GFRA2: variants seen among roughly 807,000 people sequenced by gnomAD.
GFRA2 encodes GDNF family receptor alpha-2.
GFRA2 carries 17 observed loss-of-function variants against 48.3 expected under a neutral mutation model. The ratio of observed to expected loss-of-function variants is 0.35; its 90% CI spans 0.24 to 0.53. The LOEUF is 0.53. Among genes scored for constraint, GFRA2 ranks in the 20% least tolerant of loss-of-function variants. The pLI, the probability that GFRA2 is intolerant of heterozygous loss-of-function variation, is 0.93. For synonymous variants in GFRA2, 305 were observed against 257.2 expected (o/e 1.19, Z -1.78); for missense variants, 660 against 637.3 (o/e 1.04, Z -0.38).
intron 2 of GFRA2, among the ~76,000 whole-genome samples, chr8:21,798,261 A>C (rs1363738463): frequency 6.6e-6 from 1 of 152,194 alleles, no homozygotes; most frequent in Non-Finnish European, 1.5e-5. Flanking sequence ...CTTTGACCCC[A>C]GACATGCTGC....
chr8:21,704,875 C>A, intron 6 of GFRA2, 110 bp downstream of exon 6: 1 of 873,774 alleles, frequency 1.1e-6, no homozygotes, highest in Non-Finnish European at 1.8e-6. Flanking sequence ...GGCGGAGAAG[C>A]CTCATCTACA....
intron 4 of GFRA2, among the ~76,000 whole-genome samples, chr8:21,708,782 A>G (rs1350186786): frequency 1.3e-5 from 2 of 152,296 alleles, no homozygotes; most frequent in African/African-American, 2.4e-5. Context: ...AGAAAGAGAA[A>G]GGCATGCAAC....
chr8:21,740,461 A>G (rs1585280496), intron 4 of GFRA2, among the ~76,000 whole-genome samples: 1 of 152,142 alleles, frequency 6.6e-6, no homozygotes, highest in East Asian at 1.9e-4. Context: ...CCCAAATCCA[A>G]TGGTGACCCA....
chr8:21,738,867 C>T (rs1473355012), intron 4 of GFRA2, among the ~76,000 whole-genome samples: 1 of 152,190 alleles, frequency 6.6e-6, no homozygotes, highest in Non-Finnish European at 1.5e-5. Flanking sequence ...TGCAAGGCTC[C>T]CAGACACAGA....
intron 1 of GFRA2, among the ~76,000 whole-genome samples, chr8:21,783,827 G>A (rs1807134304): frequency 1.3e-5 from 2 of 151,736 alleles, no homozygotes; most frequent in East Asian, 2.0e-4. Context: ...TATATCTTAC[G>A]CTTCTCTTGC....
chr8:21,707,324 C>T (rs1456925252), intron 4 of GFRA2, among the ~76,000 whole-genome samples: 1 of 152,160 alleles, frequency 6.6e-6, no homozygotes, highest in African/African-American at 2.4e-5. Context: ...CCACTGGAAC[C>T]CTGTCCCATT....
chr8:21,776,378 C>T (rs1312377497), intron 2 of GFRA2, among the ~76,000 whole-genome samples: 1 of 152,010 alleles, frequency 6.6e-6, no homozygotes, highest in Admixed American at 6.6e-5. Flanking sequence ...TTCACGTCAC[C>T]TCCTAAAAGC....
chr8:21,770,121 A>AC (rs1391394037), intron 3 of GFRA2, among the ~76,000 whole-genome samples: 18 of 152,282 alleles, frequency 1.2e-4, no homozygotes, highest in Admixed American at 4.6e-4. Context: ...AGCTTCAGGG[A>AC]CCCACAGCTC....
chr8:21,773,290 T>G (rs1193247378), intron 3 of GFRA2, among the ~76,000 whole-genome samples: 1 of 151,988 alleles, frequency 6.6e-6, no homozygotes. Flanking sequence ...CCACTGGGGG[T>G]TATGATGCTG....
chr8:21,756,509 G>C (rs538465100), intron 3 of GFRA2, among the ~76,000 whole-genome samples: 1 of 152,254 alleles, frequency 6.6e-6, no homozygotes, highest in Non-Finnish European at 1.5e-5. Context: ...GGTCAGGGCT[G>C]GGCACATGGC....
intron 7 of GFRA2, among the ~76,000 whole-genome samples, chr8:21,701,590 A>G (rs892586323): frequency 6.6e-6 from 1 of 152,034 alleles, no homozygotes; most frequent in Non-Finnish European, 1.5e-5. Flanking sequence ...GCCTCCAGCC[A>G]CCTGCCAGGC....
upstream of GFRA2, among the ~76,000 whole-genome samples, chr8:21,789,889 C>T (rs1379810587): frequency 5.9e-5 from 9 of 152,256 alleles, no homozygotes; most frequent in Admixed American, 3.9e-4. Flanking sequence ...GGCAGGGGCT[C>T]GCACCCCACC....
At chr8:21,803,774 A>G (rs1398323834) in intron 2 of GFRA2, among the ~76,000 whole-genome samples, 2 of 152,194 alleles carry the variant, frequency 1.3e-5, no homozygotes, top group African/African-American at 2.4e-5. Context: ...CTGGGACTAC[A>G]GGCACAAACC....
At chr8:21,697,792 A>G (rs565273632) in intron 7 of GFRA2, among the ~76,000 whole-genome samples, 5 of 152,266 alleles carry the variant, frequency 3.3e-5, no homozygotes, top group African/African-American at 1.2e-4. Flanking sequence ...TTCTCGTGGT[A>G]GTGAGTAAGT....
At chr8:21,714,246 C>CTAT (rs1554487215) in intron 4 of GFRA2, among the ~76,000 whole-genome samples, 1 of 78,400 alleles carries the variant, frequency 1.3e-5, no homozygotes, top group Non-Finnish European at 2.2e-5. Context: ...GTCTGAAGTT[C>CTAT]TTTTTTTTTT....
intron 4 of GFRA2, among the ~76,000 whole-genome samples, chr8:21,719,831 G>T (rs899692666): frequency 2.0e-5 from 3 of 152,142 alleles, no homozygotes; most frequent in Admixed American, 2.0e-4. Flanking sequence ...TTGAGAAGGG[G>T]GTGGCAGGTG....
At chr8:21,770,786 T>C (rs1806400608) in intron 3 of GFRA2, among the ~76,000 whole-genome samples, 1 of 152,132 alleles carries the variant, frequency 6.6e-6, no homozygotes, top group African/African-American at 2.4e-5. Context: ...TCATCACCAC[T>C]TTGATGTCCA....
chr8:21,753,072 A>G (rs1367676909), intron 3 of GFRA2, among the ~76,000 whole-genome samples: 1 of 152,162 alleles, frequency 6.6e-6, no homozygotes, highest in East Asian at 1.9e-4. Context: ...CCTACAGCAG[A>G]CAGCCATTGC....
chr8:21,713,976 G>A (rs113425702), intron 4 of GFRA2, among the ~76,000 whole-genome samples: 99 of 152,230 alleles, frequency 6.5e-4, no homozygotes, highest in African/African-American at 2.1e-3. Context: ...CCACAGTTAC[G>A]TGGCAAAGAG....
Sources: gnomAD v4.1 joint callset for allele counts (sites outside exome capture counted in the v4.1 genomes callset) on GRCh38, gnomAD v4.1.1 for gene constraint, MANE v1.5 for transcripts, NCBI Gene and HGNC (gene_info 2026-07-23, HGNC 2026-07-21) for gene names.